The following SDK1 variants were observed in gnomAD, a reference collection of about 807,000 sequenced individuals.
SDK1 encodes the protein protein sidekick-1.
Under a neutral mutation model 245.5 loss-of-function variants are expected in SDK1, and 157 were observed. That is an observed-to-expected ratio of 0.64 (90% CI 0.56 to 0.73). SDK1 has a LOEUF of 0.73. SDK1 is among the 30% of genes least tolerant of loss of function. SDK1 has a pLI of 0.00. For missense variants in SDK1, 3,583 were observed against 3,002.3 expected (o/e 1.19, Z -4.52); for synonymous variants, 1,647 against 1,278.5 (o/e 1.29, Z -6.15).
intron 1 of SDK1, among the ~76,000 whole-genome samples, chr7:3,598,287 A>G (rs1422597067): frequency 6.6e-6 from 1 of 151,756 alleles, no homozygotes; most frequent in Non-Finnish European, 1.5e-5. Context: ...TTCTTTATAG[A>G]CTCTGGATAT....
intron 13 of SDK1, among the ~76,000 whole-genome samples, chr7:3,978,724 T>C (rs1453018651): frequency 6.6e-6 from 1 of 152,104 alleles, no homozygotes; most frequent in Non-Finnish European, 1.5e-5. Context: ...CTGTAGTGTT[T>C]CCATCATTTA....
intron 44 of SDK1, among the ~76,000 whole-genome samples, chr7:4,248,945 CACAT>C (rs1787109890): frequency 6.8e-6 from 1 of 147,922 alleles, no homozygotes; most frequent in Non-Finnish European, 1.5e-5. Flanking sequence ...ACATGCACAA[CACAT>C]ACATACCTAA....
At chr7:3,726,500 T>G (rs1469639636) in intron 4 of SDK1, among the ~76,000 whole-genome samples, 1 of 152,250 alleles carries the variant, frequency 6.6e-6, no homozygotes, top group Non-Finnish European at 1.5e-5. Context: ...AATGAATTCT[T>G]TGTTTTGTAT....
intron 4 of SDK1, among the ~76,000 whole-genome samples, chr7:3,654,744 A>T (rs191663041): frequency 6.6e-6 from 1 of 152,308 alleles, no homozygotes; most frequent in African/African-American, 2.4e-5. Context: ...GGGATCGTAG[A>T]ATTGCTTGGT....
At chr7:3,618,724 A>C (rs540071429) in intron 1 of SDK1, among the ~76,000 whole-genome samples, 1 of 152,372 alleles carries the variant, frequency 6.6e-6, no homozygotes, top group African/African-American at 2.4e-5. Context: ...GCCTGCATAC[A>C]CTTGACTGTT....
chr7:3,931,501 A>G (rs942969822), intron 5 of SDK1, among the ~76,000 whole-genome samples: 4 of 152,236 alleles, frequency 2.6e-5, no homozygotes, highest in African/African-American at 9.6e-5. Context: ...TCCCAAAACA[A>G]TAAAGAGTAA....
intron 43 of SDK1, 94 bp downstream of exon 43, chr7:4,242,007 C>A: frequency 6.9e-7 from 1 of 1,453,514 alleles, no homozygotes; most frequent in Non-Finnish European, 9.3e-7. Context: ...CTGCATCCCG[C>A]CCTGTGGTTC....
chr7:3,624,004 T>C (rs1782029762), intron 2 of SDK1, among the ~76,000 whole-genome samples: 2 of 152,086 alleles, frequency 1.3e-5, no homozygotes, highest in Admixed American at 1.3e-4. Context: ...TTTCACAGTA[T>C]CAATAAAAAT....
intron 13 of SDK1, among the ~76,000 whole-genome samples, chr7:3,980,851 G>A (rs902136804): frequency 6.6e-6 from 1 of 151,832 alleles, no homozygotes; most frequent in Non-Finnish European, 1.5e-5. Flanking sequence ...CTGAGACAGA[G>A]AATTGCTCGA....
At chr7:4,027,063 T>C (rs535539991) in intron 17 of SDK1, among the ~76,000 whole-genome samples, 1 of 152,182 alleles carries the variant, frequency 6.6e-6, no homozygotes, top group Non-Finnish European at 1.5e-5. Flanking sequence ...CGTGAAGATT[T>C]GTGCTTCTTG....
chr7:3,646,252 C>T lies in SDK1; in HGVS notation c.713+4147C>T, dbSNP rs1231162186. 2.6e-5 allele frequency among the ~76,000 whole-genome samples: 4 copies of T among 152,302 alleles called. No individual in the cohort carries two copies. The East Asian group carries it at 7.7e-4, about 29-fold the overall frequency. Reference sequence around the variant, plus strand: ...AAAGCAGTTCATTTTCTCTCCCCACCTCCATGTTTAAACATTACCTCATTA... The same window carrying T: ...AAAGCAGTTCATTTTCTCTCCCCACTTCCATGTTTAAACATTACCTCATTA... On this transcript the variant is annotated intron_variant, in intron 4 of 44. Coordinates refer to ENST00000404826, the MANE Select transcript of SDK1 (RefSeq NM_152744.4).
At chr7:4,125,773 A>C (rs1250944405) in intron 25 of SDK1, among the ~76,000 whole-genome samples, 2 of 152,180 alleles carry the variant, frequency 1.3e-5, no homozygotes, top group Non-Finnish European at 2.9e-5. Context: ...CTTTCTTCAA[A>C]ACAACTAGCT....
intron 4 of SDK1, among the ~76,000 whole-genome samples, chr7:3,816,844 A>C (rs1779519013): frequency 6.6e-6 from 1 of 152,132 alleles, no homozygotes; most frequent in African/African-American, 2.4e-5. Context: ...TAAAATGGAG[A>C]ATATTTTGAA....
chr7:4,096,065 C>T (rs1288901256), intron 22 of SDK1, among the ~76,000 whole-genome samples: 2 of 152,228 alleles, frequency 1.3e-5, no homozygotes, highest in Non-Finnish European at 2.9e-5. Flanking sequence ...TGAAATGTAG[C>T]TGTAAAGCGT....
At chr7:3,710,719 A>G (rs1254620115) in intron 4 of SDK1, among the ~76,000 whole-genome samples, 2 of 152,212 alleles carry the variant, frequency 1.3e-5, no homozygotes, top group East Asian at 3.8e-4. Flanking sequence ...CTCCTGGATG[A>G]TTGGGAAACC....
chr7:4,088,298 A>T (rs953132978), intron 22 of SDK1, among the ~76,000 whole-genome samples: 4 of 151,978 alleles, frequency 2.6e-5, no homozygotes, highest in Non-Finnish European at 5.9e-5. Context: ...TGAATTTTTT[A>T]TATTCTTTCT....
At chr7:3,848,863 G>C (rs1333379062) in intron 5 of SDK1, among the ~76,000 whole-genome samples, 1 of 152,036 alleles carries the variant, frequency 6.6e-6, no homozygotes, top group East Asian at 1.9e-4. Flanking sequence ...GTAGAGACAG[G>C]GTTTCGCCAT....
chr7:4,015,057 C>T (rs556735521), intron 16 of SDK1, among the ~76,000 whole-genome samples: 69 of 152,220 alleles, frequency 4.5e-4, no homozygotes, highest in Non-Finnish European at 9.0e-4. Flanking sequence ...GGTAGAAGAG[C>T]AGTGTTTAAA....
Position 3,536,142 on chromosome 7 carries a change from C to T in SDK1, c.299-82938C>T, listed in dbSNP as rs537807325. Among the ~76,000 whole-genome samples the T allele has an allele frequency of 1.1e-3, 168 of 151,918 alleles. 1 individual carries two copies. The highest frequency in any genetic ancestry group is 3.5e-3 in the African/African-American group (146 of 41,424). On this transcript the variant is annotated intron_variant, in intron 1 of 44. Coordinates refer to ENST00000404826, the MANE Select transcript of SDK1 (RefSeq NM_152744.4). ...TGCGATCTCGGCTCACTGCAAGCTC[C>T]GCCTCCTGGGTCCACACCATTCTCC... is the stretch of plus-strand genomic sequence containing the variant.
Sources: allele counts gnomAD v4.1 joint callset (sites outside exome capture counted in the v4.1 genomes callset), GRCh38; gene constraint gnomAD v4.1.1; transcripts MANE v1.5; gene names NCBI Gene and HGNC (gene_info 2026-07-23, HGNC 2026-07-21).